Variants in SUFU observed in about 807,000 individuals in gnomAD.
SUFU encodes SUFU negative regulator of hedgehog signaling, also known as suppressor of fused homolog.
A neutral mutation model predicts 58.9 loss-of-function variants in SUFU; 7 were observed. The observed-to-expected ratio is 0.12, with a 90% CI of 0.07 to 0.22. SUFU has a LOEUF of 0.22. SUFU is among the 10% of genes least tolerant of loss of function. The pLI is 1.00. For synonymous variants in SUFU, 232 were observed against 254.8 expected (o/e 0.91, Z 0.85); for missense variants, 451 against 641.3 (o/e 0.70, Z 3.20).
chr10:102,513,078 TAAAG>T (rs912199096), intron 2 of SUFU, among the ~76,000 whole-genome samples: 44 of 152,008 alleles, frequency 2.9e-4, no homozygotes, highest in African/African-American at 7.0e-4. Flanking sequence ...AAAAAATAAA[TAAAG>T]AAAGAAAAAT....
At chr10:102,615,123 A>G in intron 8 of SUFU, 145 bp from the exon 9 acceptor site, 4 of 1,237,314 alleles carry the variant, frequency 3.2e-6, no homozygotes, top group Non-Finnish European at 4.6e-6. Context: ...CTCGCCAGGC[A>G]TATACAGAAT....
chr10:102,545,943 C>T (rs1430056698), intron 2 of SUFU, among the ~76,000 whole-genome samples: 2 of 152,214 alleles, frequency 1.3e-5, no homozygotes, highest in Non-Finnish European at 2.9e-5. Context: ...CACTGCACTC[C>T]AGCCTGGGAG....
At chr10:102,610,695 T>A (rs1433132912) in intron 8 of SUFU, among the ~76,000 whole-genome samples, 1 of 152,218 alleles carries the variant, frequency 6.6e-6, no homozygotes, top group African/African-American at 2.4e-5. Context: ...AGAACATCGA[T>A]GACGAATTTA....
chr10:102,598,888 C>T lies in SUFU; in HGVS notation c.911-545C>T, dbSNP rs918546442. On this transcript the variant is annotated intron_variant, in intron 7 of 11. Coordinates refer to ENST00000369902, the MANE Select transcript of SUFU (RefSeq NM_016169.4). The stretch of plus-strand genomic sequence containing the variant: ...AACTCTTTCACTTCCTGGCCCTTGC[C>T]TCTCCATGGAGAGGCAGAGTTTCCT... 2.6e-5 allele frequency among the ~76,000 whole-genome samples: 4 copies of T among 152,328 alleles called. No homozygotes were observed. The South Asian group carries it at 8.3e-4, about 32-fold the overall frequency.
chr10:102,567,394 G>GCACCCGTAAGCCATACA (rs1480166822), intron 3 of SUFU, among the ~76,000 whole-genome samples: 3 of 152,014 alleles, frequency 2.0e-5, no homozygotes, highest in Non-Finnish European at 4.4e-5. Flanking sequence ...AAAATGACTG[G>GCACCCGTAAGCCATACA]CACCCGTAAG....
chr10:102,518,519 G>GTA (rs1554842631), intron 2 of SUFU, among the ~76,000 whole-genome samples: 1 of 147,114 alleles, frequency 6.8e-6, no homozygotes, highest in Non-Finnish European at 1.5e-5. Flanking sequence ...CTGTCTGTCT[G>GTA]TCTATCTATC....
At position 102,630,604 on chromosome 10, in the gene SUFU, T is replaced by C. The variant is rs1048570995; in HGVS notation, c.*449T>C. On this transcript the variant is annotated 3_prime_UTR_variant, in exon 12 of 12. Transcript: ENST00000369902. ...CTCTGGAAGCCTTTGCTACTCAAGCTCCTCTGGCCGCGGAACAATTCCTCT... is the reference window on the plus strand; with the variant it reads ...CTCTGGAAGCCTTTGCTACTCAAGCCCCTCTGGCCGCGGAACAATTCCTCT... 2 of 325,158 alleles carry C rather than the reference T, an allele frequency of 6.2e-6. No individual in the cohort carries two copies. The highest frequency in any genetic ancestry group is 1.2e-5 in the Non-Finnish European group (2 of 171,464). The allele number at this position is 325,158 out of a possible 1,614,324, so 20.1% of individuals were successfully genotyped here. A position where few individuals can be genotyped will look rare whatever the true frequency, so the allele number is the denominator to read the frequency against.
Position 102,537,836 on chromosome 10 carries a change from A to G in SUFU, c.318-12134A>G, listed in dbSNP as rs111430763. Among the ~76,000 whole-genome samples the G allele has an allele frequency of 1.4e-4, 22 of 152,230 alleles. No individual in the cohort carries two copies. In the East Asian group the frequency reaches 2.3e-3, roughly 16 times the overall value. On this transcript the variant is annotated intron_variant, in intron 2 of 11. Transcript: ENST00000369902. Reference sequence around the variant, plus strand: ...CTTGGGTTGCTTCTACCTTTTGACTATTGCTAATAATGCTACTCTGAACAT... The same window carrying G: ...CTTGGGTTGCTTCTACCTTTTGACTGTTGCTAATAATGCTACTCTGAACAT...
intron 3 of SUFU, among the ~76,000 whole-genome samples, chr10:102,562,685 G>A (rs1390971443): frequency 6.6e-6 from 1 of 152,212 alleles, no homozygotes; most frequent in African/African-American, 2.4e-5. Flanking sequence ...GAGGCCAGGA[G>A]TTCAAGACCA....
At chr10:102,579,433 G>C (rs2063250226) in intron 3 of SUFU, among the ~76,000 whole-genome samples, 1 of 152,216 alleles carries the variant, frequency 6.6e-6, no homozygotes, top group Non-Finnish European at 1.5e-5. Context: ...CTCCCCTGCT[G>C]TGACTTGTAT....
At chr10:102,547,156 C>T (rs558896715) in intron 2 of SUFU, among the ~76,000 whole-genome samples, 30 of 152,348 alleles carry the variant, frequency 2.0e-4, no homozygotes, top group African/African-American at 7.2e-4. Flanking sequence ...TAGTCTAATA[C>T]ATTTTACAAA....
chr10:102,554,784 T>G (rs1011289839), intron 3 of SUFU, among the ~76,000 whole-genome samples: 2 of 152,246 alleles, frequency 1.3e-5, no homozygotes, highest in African/African-American at 4.8e-5. Context: ...GCATTCATAT[T>G]GGCTCTGCCA....
intron 5 of SUFU, 39 bp downstream of exon 5, chr10:102,593,760 C>T (rs1188908371): frequency 1.9e-6 from 3 of 1,598,076 alleles, no homozygotes; most frequent in Non-Finnish European, 2.6e-6. Context: ...GCTCCCTGGG[C>T]CTGGGGGTGG....
chr10:102,580,153 T>C (rs1323191216), intron 3 of SUFU, among the ~76,000 whole-genome samples: 1 of 152,028 alleles, frequency 6.6e-6, no homozygotes, highest in Non-Finnish European at 1.5e-5. Context: ...CAGTCAGCCA[T>C]GTTCCTGGGA....
intron 3 of SUFU, among the ~76,000 whole-genome samples, chr10:102,587,394 T>C (rs1202438159): frequency 1.3e-5 from 2 of 152,206 alleles, no homozygotes; most frequent in Admixed American, 6.5e-5. Flanking sequence ...TTTCTTTTTT[T>C]TATTAATAGT....
At chr10:102,525,216 T>C (rs890461844) in intron 2 of SUFU, among the ~76,000 whole-genome samples, 2 of 152,090 alleles carry the variant, frequency 1.3e-5, no homozygotes, top group Non-Finnish European at 2.9e-5. Flanking sequence ...GTTCAAGTGA[T>C]CCTCCTGCCT....
chr10:102,520,426 G>A (rs1413239632), intron 2 of SUFU, among the ~76,000 whole-genome samples: 1 of 151,324 alleles, frequency 6.6e-6, no homozygotes, highest in African/African-American at 2.4e-5. Flanking sequence ...TACCATGTTG[G>A]CCAGGCTGGT....
At chr10:102,584,015 G>A (rs1020722204) in intron 3 of SUFU, among the ~76,000 whole-genome samples, 1 of 152,192 alleles carries the variant, frequency 6.6e-6, no homozygotes, top group Non-Finnish European at 1.5e-5. Context: ...TGCTGGTAGC[G>A]ACAAGCTCTG....
At chr10:102,630,012 C>A (rs1467371591) in intron 11 of SUFU, 54 bp from the exon 12 acceptor site, 20 of 1,518,776 alleles carry the variant, frequency 1.3e-5, no homozygotes, top group Non-Finnish European at 1.8e-5. Context: ...GGAAAGACCA[C>A]GGTGTATTCT....
Sources: gnomAD v4.1 joint callset for allele counts (sites outside exome capture counted in the v4.1 genomes callset) on GRCh38, gnomAD v4.1.1 for gene constraint, MANE v1.5 for transcripts, NCBI Gene and HGNC (gene_info 2026-07-23, HGNC 2026-07-21) for gene names.